The following PTCHD4 variants were observed in gnomAD, a reference collection of about 807,000 sequenced individuals.
PTCHD4 encodes the protein patched domain-containing protein 4.
In PTCHD4, 33 loss-of-function variants were observed where a neutral mutation model predicts 58.1. The observed-to-expected ratio is 0.57, with a 90% CI of 0.43 to 0.76. The LOEUF is 0.76. Ranked by LOEUF, PTCHD4 falls within the 30% of genes least tolerant of loss-of-function variation. The pLI, the probability that PTCHD4 is intolerant of heterozygous loss-of-function variation, is 0.00. For missense variants in PTCHD4, 1,058 were observed against 1,027.1 expected (o/e 1.03, Z -0.41); for synonymous variants, 478 against 409.6 (o/e 1.17, Z -2.02).
In PTCHD4 at chr6:47,957,086, A is replaced by G. The variant is rs1766893547; in HGVS notation, c.898+51548T>C. ...AGGCTGAGGCATGAGAATCACTTGA[A>G]CCCTGGAGGCGGAGGTTGCAGTAAG... On this transcript the variant is annotated intron_variant, in intron 4 of 4. Coordinates refer to ENST00000339488, the MANE Select transcript of PTCHD4 (RefSeq NM_001384253.1). Among the ~76,000 whole-genome samples, 3 of 151,062 alleles carry G rather than the reference A, an allele frequency of 2.0e-5. No individual in the cohort carries two copies. In the South Asian group the frequency reaches 6.3e-4, roughly 32 times the overall value.
Position 47,954,304 on chromosome 6 carries a change from C to G in PTCHD4, c.898+54330G>C, listed in dbSNP as rs577149969. ...CTTGGGAGGTGGGGGTTGCAGTGAG[C>G]TGAGATTGCACCACTGCACTCCAGC... On this transcript the variant is annotated intron_variant, in intron 4 of 4. Transcript: ENST00000339488. Among the ~76,000 whole-genome samples the G allele has an allele frequency of 1.2e-3, 176 of 152,280 alleles. 2 individuals are homozygous for G. Among genetic ancestry groups the G allele is most frequent in the Admixed American group, 2.7e-3 (41 of 15,288 alleles).
chr6:48,086,804 A>T (rs1044519212), intron 1 of PTCHD4, among the ~76,000 whole-genome samples: 3 of 152,324 alleles, frequency 2.0e-5, no homozygotes, highest in East Asian at 1.9e-4. Flanking sequence ...AAATGAAACA[A>T]TTCCACCTTG....
In PTCHD4 at chr6:48,068,451, C is replaced by G. The variant is rs754529455; in HGVS notation, c.196G>C (p.Asp66His). 1 of 1,613,792 alleles carries G rather than the reference C, an allele frequency of 6.2e-7. No homozygotes were observed. Among genetic ancestry groups the G allele is most frequent in the African/African-American group, 1.3e-5 (1 of 75,028 alleles). ...SALNRFQPEG[D>H]LERLVAPSHS... is the part of the protein sequence containing the mutation. ...CTGGGAGCGACCAGGCGCTCCAGGT[C>G]GCCCTCGGGCTGGAAGCGGTTGAGC... The change falls in exon 3 of 5, where the codon GAC becomes CAC. Residue 66 changes from aspartate to histidine, a missense_variant. Transcript: ENST00000339488. The surrounding 1 kb of genome is among the most constrained non-coding windows in gnomAD (Gnocchi z 4.2).
chr6:48,098,337 TTCTTC>T (rs1339757073), intron 1 of PTCHD4, among the ~76,000 whole-genome samples: 2 of 148,978 alleles, frequency 1.3e-5, no homozygotes, highest in South Asian at 2.2e-4. Flanking sequence ...CTTCTTCTTC[TTCTTC>T]TTTTTTTTTT....
chr6:47,903,273 G>A (rs774494590), intron 4 of PTCHD4, among the ~76,000 whole-genome samples: 1 of 151,840 alleles, frequency 6.6e-6, no homozygotes, highest in African/African-American at 2.4e-5. Flanking sequence ...GTCTATAGGG[G>A]GAGATGATCA....
chr6:47,909,851 T>C (rs183402714), intron 4 of PTCHD4, among the ~76,000 whole-genome samples: 7 of 152,244 alleles, frequency 4.6e-5, no homozygotes, highest in Admixed American at 4.6e-4. Flanking sequence ...TTAATGACAT[T>C]ATAATATTAT....
intron 3 of PTCHD4, among the ~76,000 whole-genome samples, chr6:48,010,396 C>A (rs2114087926): frequency 6.6e-6 from 1 of 152,290 alleles, no homozygotes; most frequent in South Asian, 2.1e-4. Flanking sequence ...TGTACTCTAG[C>A]AGACACATGT....
intron 4 of PTCHD4, 137 bp from the exon 5 acceptor site, chr6:47,880,073 T>C (rs1763975606): frequency 1.4e-6 from 1 of 703,416 alleles, no homozygotes; most frequent in Admixed American, 3.4e-5. Context: ...TATCAGGGCC[T>C]CAAAAGTTGA....
At chr6:48,010,757 C>G (rs1343901409) in intron 3 of PTCHD4, among the ~76,000 whole-genome samples, 1 of 152,116 alleles carries the variant, frequency 6.6e-6, no homozygotes, top group Non-Finnish European at 1.5e-5. Context: ...AGCCCACCAC[C>G]CACCGATAGG....
rs1459407788 is a variant in PTCHD4, at chr6:48,069,150, G to GA, written c.-194_-193insT. 1.5e-5 allele frequency among the ~76,000 whole-genome samples: 2 copies of GA among 135,344 alleles called. No homozygotes were observed. The highest frequency in any genetic ancestry group is 3.2e-5 in the Non-Finnish European group (2 of 62,466). 88.8% of individuals were successfully genotyped at this position (135,344 alleles called of 152,430 possible). A position where few individuals can be genotyped will look rare whatever the true frequency, so the allele number is the denominator to read the frequency against. On this transcript the variant is annotated 5_prime_UTR_variant, in exon 2 of 5. An upstream open reading frame in the 5' UTR gains an earlier in-frame stop. Coordinates refer to ENST00000339488, the MANE Select transcript of PTCHD4 (RefSeq NM_001384253.1). ...ACATGTGCCCCATAAAGGGGGGGGG[G>GA]GCTGAGGGGGGGAGAGGAGGGAGAA...
rs202187352 is a variant in PTCHD4, at chr6:47,929,048, T to TA, written c.899-49113dup. 3.0e-3 allele frequency among the ~76,000 whole-genome samples: 452 copies of TA among 152,170 alleles called. 5 individuals are homozygous for TA. The highest frequency in any genetic ancestry group is 9.2e-3 in the African/African-American group (382 of 41,518). On this transcript the variant is annotated intron_variant, in intron 4 of 4. Transcript: ENST00000339488. ...TGTCTGGTTCTAAATAGAGCTGCAT[T>TA]AGAATGAGGCTATTATTATAAAAAT...
At chr6:48,076,987 G>A (rs1337970196) in intron 1 of PTCHD4, among the ~76,000 whole-genome samples, 1 of 152,194 alleles carries the variant, frequency 6.6e-6, no homozygotes, top group African/African-American at 2.4e-5. Context: ...TGACTATTAA[G>A]CTAGGTTACA....
intron 4 of PTCHD4, among the ~76,000 whole-genome samples, chr6:47,973,787 T>A (rs562660334): frequency 1.1e-4 from 17 of 152,322 alleles, no homozygotes; most frequent in African/African-American, 4.1e-4. Context: ...AGAATTTACA[T>A]ACAAATTCAA....
At chr6:47,927,390 G>C (rs912276272) in intron 4 of PTCHD4, among the ~76,000 whole-genome samples, 16 of 152,118 alleles carry the variant, frequency 1.1e-4, no homozygotes, top group Non-Finnish European at 1.3e-4. Flanking sequence ...CTCATTCCCT[G>C]CTGGTCCTGT....
intron 4 of PTCHD4, among the ~76,000 whole-genome samples, chr6:47,951,282 T>C (rs1766637600): frequency 6.6e-6 from 1 of 152,166 alleles, no homozygotes; most frequent in African/African-American, 2.4e-5. Flanking sequence ...AGGGAGACTT[T>C]ATCACTCCTA....
intron 4 of PTCHD4, among the ~76,000 whole-genome samples, chr6:47,976,655 AAAATAAATAAATAAATAAAT>A (rs141002670): frequency 9.8e-5 from 14 of 142,570 alleles, no homozygotes; most frequent in African/African-American, 3.6e-4. Flanking sequence ...ACTCCATATC[AAAATAAATAAATAAATAAAT>A]AAATAAATAA....
chr6:48,007,575 A>G (rs1334873308), intron 4 of PTCHD4, among the ~76,000 whole-genome samples: 2 of 152,192 alleles, frequency 1.3e-5, no homozygotes, highest in Non-Finnish European at 2.9e-5. Context: ...GCATCAGGAG[A>G]GGTAGCGCTT....
chr6:47,925,446 G>A (rs183749003), intron 4 of PTCHD4, among the ~76,000 whole-genome samples: 3 of 152,086 alleles, frequency 2.0e-5, no homozygotes, highest in Admixed American at 6.5e-5. Context: ...CACTGGCAGG[G>A]TATTTTCCTA....
chr6:48,078,647 C>A (rs554592375), intron 1 of PTCHD4, among the ~76,000 whole-genome samples: 1 of 152,216 alleles, frequency 6.6e-6, no homozygotes, highest in South Asian at 2.1e-4. Flanking sequence ...GAAGGATTTT[C>A]TACATTTTTT....
Sources: allele counts gnomAD v4.1 joint callset (sites outside exome capture counted in the v4.1 genomes callset), GRCh38; gene constraint gnomAD v4.1.1; non-coding constraint Gnocchi (gnomAD v3.1); transcripts MANE v1.5; gene names NCBI Gene and HGNC (gene_info 2026-07-23, HGNC 2026-07-21).